LINGO2: variants seen among roughly 807,000 people sequenced by gnomAD.
LINGO2 encodes the protein leucine rich repeat and Ig domain containing 2, also known as leucine-rich repeat and immunoglobulin-like domain-containing nogo receptor-interacting protein 2.
In LINGO2, 14 loss-of-function variants were observed where a neutral mutation model predicts 30.6. The ratio of observed to expected loss-of-function variants is 0.46; its 90% CI spans 0.30 to 0.72. The LOEUF (loss-of-function observed/expected upper bound fraction) is 0.72. Among genes scored for constraint, LINGO2 ranks in the 30% least tolerant of loss-of-function variants. LINGO2 has a pLI of 0.07. For synonymous variants in LINGO2, 317 were observed against 288.5 expected, an observed-to-expected ratio of 1.10 and a Z score of -1.00; for missense variants, 729 against 751.7, an observed-to-expected ratio of 0.97 and a Z score of 0.35.
At chr9:29,193,412 C>T in the LINGO2 span, among the ~76,000 whole-genome samples, 3 of 152,170 alleles carry the variant, frequency 2.0e-5, no homozygotes, top group Non-Finnish European at 4.4e-5. Context: ...ATCATATCCT[C>T]TCCAGTCATA....
At chr9:28,029,195 T>C (rs1271608501) in intron 4 of LINGO2, among the ~76,000 whole-genome samples, 1 of 152,196 alleles carries the variant, frequency 6.6e-6, no homozygotes, top group African/African-American at 2.4e-5. Flanking sequence ...AAGACAATTT[T>C]TCATCTAGAA....
intron 3 of LINGO2, among the ~76,000 whole-genome samples, chr9:28,354,321 T>C (rs1274512184): frequency 2.0e-5 from 3 of 152,188 alleles, no homozygotes; most frequent in Non-Finnish European, 2.9e-5. Flanking sequence ...TATTTTATGG[T>C]AATTATGCAA....
chr9:28,470,030 C>T (rs1002673250), intron 2 of LINGO2, among the ~76,000 whole-genome samples: 2 of 151,914 alleles, frequency 1.3e-5, no homozygotes, highest in African/African-American at 2.4e-5. Context: ...AAGGAATACC[C>T]TTTATGTATA....
At chr9:29,073,187 C>T in the LINGO2 span, among the ~76,000 whole-genome samples, 3 of 152,002 alleles carry the variant, frequency 2.0e-5, no homozygotes, top group South Asian at 4.1e-4. Flanking sequence ...CATACAGACC[C>T]ATACATATCT....
chr9:27,955,805 G>T (rs1438750170), intron 5 of LINGO2, among the ~76,000 whole-genome samples: 2 of 151,816 alleles, frequency 1.3e-5, no homozygotes, highest in Admixed American at 6.6e-5. Flanking sequence ...CTATATATAG[G>T]GTAGGAATAT....
the LINGO2 span, among the ~76,000 whole-genome samples, chr9:28,959,612 T>TCTCTCTCTCACACA: frequency 7.6e-6 from 1 of 132,162 alleles, no homozygotes; most frequent in African/African-American, 3.2e-5. Flanking sequence ...TCTCTCTCCC[T>TCTCTCTCTCACACA]CACACACACA....
At chr9:29,072,909 T>A in the LINGO2 span, among the ~76,000 whole-genome samples, 134 of 148,650 alleles carry the variant, frequency 9.0e-4, 1 homozygote, top group African/African-American at 3.3e-3. Context: ...CTGCTTGGTC[T>A]CCAGCTCTCT....
chr9:28,150,775 A>T (rs976013241), intron 4 of LINGO2, among the ~76,000 whole-genome samples: 1 of 152,202 alleles, frequency 6.6e-6, no homozygotes, highest in African/African-American at 2.4e-5. Flanking sequence ...TAAGATAGTA[A>T]GCAGGAGCCT....
At chr9:28,557,689 C>A (rs1822802588) in intron 1 of LINGO2, among the ~76,000 whole-genome samples, 1 of 151,564 alleles carries the variant, frequency 6.6e-6, no homozygotes, top group Admixed American at 6.6e-5. Context: ...TATAAAGACA[C>A]ATGCACATGT....
intron 5 of LINGO2, among the ~76,000 whole-genome samples, chr9:27,970,096 G>A (rs1259894474): frequency 1.3e-5 from 2 of 152,174 alleles, no homozygotes; most frequent in Admixed American, 6.5e-5. Context: ...GGGTACATTT[G>A]TATCTGCTCT....
At chr9:28,962,465 A>T in the LINGO2 span, among the ~76,000 whole-genome samples, 1 of 152,048 alleles carries the variant, frequency 6.6e-6, no homozygotes, top group South Asian at 2.1e-4. Flanking sequence ...TGAAGTATGA[A>T]AACCAAGGAT....
intron 5 of LINGO2, among the ~76,000 whole-genome samples, chr9:27,980,995 C>T (rs1368989921): frequency 6.6e-6 from 1 of 151,786 alleles, no homozygotes; most frequent in Non-Finnish European, 1.5e-5. Flanking sequence ...GAGAGTTGAT[C>T]AATATTGATA....
In LINGO2 at chr9:28,295,279, C is replaced by T. The variant is rs895598968; in HGVS notation, c.-158G>A. On this transcript the variant is annotated 5_prime_UTR_variant, in exon 4 of 6. It introduces an in-frame stop codon into an upstream open reading frame of the 5' UTR. Coordinates refer to ENST00000379992, the Ensembl canonical transcript of LINGO2. ...AAGCTCTTGGCCACTGGGTGAAATCCAAGCTGGGTAGTTGATCATGATAAT... is the reference window on the plus strand; with the variant it reads ...AAGCTCTTGGCCACTGGGTGAAATCTAAGCTGGGTAGTTGATCATGATAAT... The T allele has an allele frequency of 6.6e-6, 1 of 152,578 alleles. No individual in the cohort carries two copies. The highest frequency in any genetic ancestry group is 2.4e-5 in the African/African-American group (1 of 41,436). 9.5% of individuals were successfully genotyped at this position (152,578 alleles called of 1,614,324 possible). A position where few individuals can be genotyped will look rare whatever the true frequency, so the allele number is the denominator to read the frequency against.
the LINGO2 span, among the ~76,000 whole-genome samples, chr9:28,687,792 TACA>T: frequency 1.3e-5 from 2 of 152,178 alleles, no homozygotes; most frequent in Non-Finnish European, 2.9e-5. Context: ...AATGGAAATG[TACA>T]ACAATTCAAT....
intron 2 of LINGO2, among the ~76,000 whole-genome samples, chr9:28,397,369 A>ATT: frequency 9.0e-6 from 1 of 111,140 alleles, no homozygotes; most frequent in Non-Finnish European, 2.0e-5. Context: ...ATATATATAT[A>ATT]TATACATATA....
chr9:28,462,492 C>T (rs1462893269), intron 2 of LINGO2, among the ~76,000 whole-genome samples: 7 of 150,066 alleles, frequency 4.7e-5, no homozygotes, highest in Non-Finnish European at 1.0e-4. Flanking sequence ...AGGGATCAAG[C>T]ACACTTGGTC....
chr9:28,684,572 C>G, the LINGO2 span, among the ~76,000 whole-genome samples: 3,301 of 150,346 alleles, frequency 0.022, 124 homozygotes, highest in African/African-American at 0.075. Flanking sequence ...GCAACCTCTG[C>G]CTCCCAGGTT....
chr9:28,345,446 A>G (rs1044623915), intron 3 of LINGO2, among the ~76,000 whole-genome samples: 1 of 152,208 alleles, frequency 6.6e-6, no homozygotes, highest in Admixed American at 6.5e-5. Flanking sequence ...CGCCAGAATG[A>G]CCTCTCAAAT....
At position 28,098,192 on chromosome 9, in the gene LINGO2, C is replaced by A. The variant is rs545842142; in HGVS notation, c.-86-85787G>T. ...TGGTGGCATCCACCTGTGGTCCCAG[C>A]TACTAGGGAGGCTGAGGCAGAAGAA... On this transcript the variant is annotated intron_variant, in intron 4 of 5. Transcript: ENST00000379992. Among the ~76,000 whole-genome samples the A allele has an allele frequency of 6.1e-4, 93 of 152,190 alleles. 1 individual carries two copies. Among genetic ancestry groups the A allele is most frequent in the African/African-American group, 2.1e-3 (89 of 41,542 alleles).
Sources: gnomAD v4.1 joint callset for allele counts (sites outside exome capture counted in the v4.1 genomes callset) on GRCh38, gnomAD v4.1.1 for gene constraint, MANE v1.5 for transcripts, NCBI Gene and HGNC (gene_info 2026-07-23, HGNC 2026-07-21) for gene names.